SMYD2: variants seen among roughly 807,000 people sequenced by gnomAD.
The protein encoded by SMYD2 is N-lysine methyltransferase SMYD2.
In SMYD2, 53 loss-of-function variants were observed where a neutral mutation model predicts 59.1. That is an observed-to-expected ratio of 0.90 (90% confidence interval 0.72 to 1.13). SMYD2 has a LOEUF of 1.13. Ranked by LOEUF, SMYD2 falls within the 50% of genes most tolerant of loss-of-function variation. The probability of loss-of-function intolerance (pLI) is 0.00; values close to 1 mark genes in which losing one functional copy is unlikely to be tolerated. For synonymous variants in SMYD2, 208 were observed against 198.8 expected (o/e 1.05, Z -0.39); for missense variants, 494 against 544.7 (o/e 0.91, Z 0.93).
At chr1:214,317,566 C>A (rs1657106321) in intron 3 of SMYD2, among the ~76,000 whole-genome samples, 1 of 152,202 alleles carries the variant, frequency 6.6e-6, no homozygotes, top group Non-Finnish European at 1.5e-5. Flanking sequence ...GTTAGCTCCT[C>A]TTGGGGTGTC....
intron 6 of SMYD2, among the ~76,000 whole-genome samples, chr1:214,324,992 G>A (rs1383864345): frequency 6.6e-6 from 1 of 152,244 alleles, no homozygotes; most frequent in Middle Eastern, 3.2e-3. Flanking sequence ...ATGCCCTGCT[G>A]AGAAATTTGC....
At position 214,290,392 on chromosome 1, in the gene SMYD2, G is replaced by A. The variant is rs17022419; in HGVS notation, c.173+8965G>A. On this transcript the variant is annotated intron_variant, in intron 1 of 11. Transcript: ENST00000366957. ...TCTTGTACATGAAGTGGAAGGTTTC[G>A]GATGACTAAGTGGAAATATTGTATG... Among the ~76,000 whole-genome samples the A allele has an allele frequency of 6.6e-3, 1,004 of 152,218 alleles. 12 individuals are homozygous for A. Among genetic ancestry groups the A allele is most frequent in the African/African-American group, 0.023 (949 of 41,522 alleles).
Position 214,302,979 on chromosome 1 carries a change from G to A in SMYD2, c.174-2208G>A, listed in dbSNP as rs923967732. On this transcript the variant is annotated intron_variant, in intron 1 of 11. Coordinates refer to ENST00000366957, the MANE Select transcript of SMYD2 (RefSeq NM_020197.3). ...GCTGGTCCTACATATGGGCTTTTAG[G>A]TGGCCCCTGAGCCTTTAATTTTTTT... Among the ~76,000 whole-genome samples the A allele has an allele frequency of 2.0e-5, 3 of 152,050 alleles. No homozygotes were observed. In the East Asian group the frequency reaches 5.8e-4, roughly 29 times the overall value.
chr1:214,293,370 C>T (rs546663315), intron 1 of SMYD2, among the ~76,000 whole-genome samples: 1 of 152,188 alleles, frequency 6.6e-6, no homozygotes, highest in African/African-American at 2.4e-5. Context: ...TTTTTCTTAA[C>T]TACTTCAGCC....
intron 1 of SMYD2, among the ~76,000 whole-genome samples, chr1:214,302,311 C>T (rs184830409): frequency 8.0e-4 from 120 of 150,486 alleles, no homozygotes; most frequent in Non-Finnish European, 1.4e-3. Context: ...TGCACTCAAG[C>T]CTGGGCAACA....
In SMYD2 at chr1:214,314,720, G is replaced by A. The variant is rs759889389; in HGVS notation, c.238-42G>A. 216 of 1,460,396 alleles carry A rather than the reference G, an allele frequency of 1.5e-4. 1 individual carries two copies. The highest frequency in any genetic ancestry group is 3.7e-5 in the Non-Finnish European group (39 of 1,041,920). The allele number at this position is 1,460,396 out of a possible 1,614,324, so 90.5% of individuals were successfully genotyped here. ...CTCTCCTCTCACACTTTATTCCAGT[G>A]TATGTGCTATTTTTTAATAATGTTT... On this transcript the variant is annotated intron_variant, in intron 2 of 11. Coordinates refer to ENST00000366957, the MANE Select transcript of SMYD2 (RefSeq NM_020197.3).
Position 214,330,369 on chromosome 1 carries a change from T to C in SMYD2, c.816+91T>C, listed in dbSNP as rs561946947. On this transcript the variant is annotated intron_variant, in intron 8 of 11. Transcript: ENST00000366957. ...CTTGTCTGACTTGGCGGATCTCCTCTAGGATCTTTTTGACCCTTTAAACCC... is the reference window on the plus strand; with the variant it reads ...CTTGTCTGACTTGGCGGATCTCCTCCAGGATCTTTTTGACCCTTTAAACCC... 1.4e-5 allele frequency: 12 copies of C among 847,788 alleles called. No individual in the cohort carries two copies. The African/African-American group carries it at 2.1e-4, about 15-fold the overall frequency. The allele number at this position is 847,788 out of a possible 1,614,324, so 52.5% of individuals were successfully genotyped here.
intron 1 of SMYD2, among the ~76,000 whole-genome samples, chr1:214,296,280 G>C (rs1218366448): frequency 6.6e-6 from 1 of 152,230 alleles, no homozygotes; most frequent in Non-Finnish European, 1.5e-5. Context: ...ATTAATCACT[G>C]TGTGTGTCTC....
intron 2 of SMYD2, among the ~76,000 whole-genome samples, chr1:214,307,653 T>C (rs897108147): frequency 6.6e-6 from 1 of 152,094 alleles, no homozygotes; most frequent in African/African-American, 2.4e-5. Flanking sequence ...TAAACTAACT[T>C]GTTAGGCCTC....
intron 6 of SMYD2, 39 bp from the exon 7 acceptor site, chr1:214,327,583 T>C: frequency 6.5e-7 from 1 of 1,541,258 alleles, no homozygotes; most frequent in Non-Finnish European, 9.0e-7. Flanking sequence ...AGTCTGCCTA[T>C]CTCATTTTAA....
intron 1 of SMYD2, among the ~76,000 whole-genome samples, chr1:214,293,153 A>G (rs1055788081): frequency 7.9e-5 from 12 of 151,734 alleles, no homozygotes; most frequent in Admixed American, 3.3e-4. Context: ...CCCAGGTCCA[A>G]GCGATTCTCC....
chr1:214,305,123 G>A (rs1314200008), intron 1 of SMYD2, 64 bp from the exon 2 acceptor site: 8 of 1,505,662 alleles, frequency 5.3e-6, no homozygotes, highest in East Asian at 2.3e-5. Flanking sequence ...GTTGTTGCAT[G>A]ATAAAATGTA....
Position 214,318,010 on chromosome 1 carries a change from G to C in SMYD2, c.349-69G>C. Reference sequence around the variant, plus strand: ...TTTTTCTTTATGTTGATGTAAAAGTGAAAGTGCCACTTTATTACACTGGTT... The same window carrying C: ...TTTTTCTTTATGTTGATGTAAAAGTCAAAGTGCCACTTTATTACACTGGTT... On this transcript the variant is annotated intron_variant, in intron 3 of 11. Coordinates refer to ENST00000366957, the MANE Select transcript of SMYD2 (RefSeq NM_020197.3). This position sits in a 1 kb window ranked among gnomAD's most constrained non-coding sequence, Gnocchi z 5.4. 2.2e-6 allele frequency: 3 copies of C among 1,381,600 alleles called. No individual in the cohort carries two copies. Among genetic ancestry groups the C allele is most frequent in the Non-Finnish European group, 3.1e-6 (3 of 976,730 alleles). The allele number at this position is 1,381,600 out of a possible 1,614,324, so 85.6% of individuals were successfully genotyped here.
chr1:214,323,801 C>G (rs1255378157), intron 5 of SMYD2, among the ~76,000 whole-genome samples: 1 of 152,178 alleles, frequency 6.6e-6, no homozygotes, highest in Non-Finnish European at 1.5e-5. Context: ...ACTTGAAAGG[C>G]AAGGTCTCAG....
chr1:214,324,562 T>A, intron 5 of SMYD2, 79 bp from the exon 6 acceptor site: 1 of 1,286,260 alleles, frequency 7.8e-7, no homozygotes, highest in Non-Finnish European at 1.1e-6. Context: ...TTGTTAAAAG[T>A]CAAAATTTAA....
chr1:214,283,802 C>A (rs931694685), intron 1 of SMYD2, among the ~76,000 whole-genome samples: 1 of 152,176 alleles, frequency 6.6e-6, no homozygotes, highest in Non-Finnish European at 1.5e-5. Context: ...CTTATCCTTT[C>A]TTTTGCCAGA....
chr1:214,331,054 G>A lies in SMYD2; in HGVS notation c.921G>A (p.Arg307=), dbSNP rs150595452. 1.2e-6 allele frequency: 2 copies of A among 1,614,166 alleles called. No individual in the cohort carries two copies. The highest frequency in any genetic ancestry group is 1.7e-5 in the Admixed American group (1 of 60,020). Residue 307 remains arginine, a synonymous_variant, in exon 9 of 12, where the codon AGG becomes AGA. Coordinates refer to ENST00000366957, the MANE Select transcript of SMYD2 (RefSeq NM_020197.3). The part of the protein sequence containing the change: ...YARNVIEEFR[R]AKHYKSPSEL... ...GCAACGTCATTGAAGAGTTCCGGAGGGCCAAGCACTATAAATATATCCTTT... is the reference window on the plus strand; with the variant it reads ...GCAACGTCATTGAAGAGTTCCGGAGAGCCAAGCACTATAAATATATCCTTT...
At chr1:214,307,597 T>C (rs1179418878) in intron 2 of SMYD2, among the ~76,000 whole-genome samples, 2 of 152,186 alleles carry the variant, frequency 1.3e-5, no homozygotes, top group Non-Finnish European at 2.9e-5. Context: ...TCAGAGTGTG[T>C]GGCATGTGGA....
At chr1:214,301,276 G>A (rs377171191) in intron 1 of SMYD2, among the ~76,000 whole-genome samples, 4 of 152,024 alleles carry the variant, frequency 2.6e-5, no homozygotes, top group South Asian at 4.1e-4. Flanking sequence ...AGTTAAATGC[G>A]GATGTTCTTA....
Sources: gnomAD v4.1 joint callset for allele counts (sites outside exome capture counted in the v4.1 genomes callset) on GRCh38, gnomAD v4.1.1 for gene constraint, Gnocchi (gnomAD v3.1) non-coding constraint, MANE v1.5 for transcripts, NCBI Gene and HGNC (gene_info 2026-07-23, HGNC 2026-07-21) for gene names.